The following ITPR1 variants were observed in gnomAD, a reference collection of about 807,000 sequenced individuals.
The protein encoded by ITPR1 is inositol 1,4,5-trisphosphate receptor type 1.
Under a neutral mutation model 318.4 loss-of-function variants are expected in ITPR1, and 96 were observed. That is an observed-to-expected ratio of 0.30 (90% confidence interval 0.26 to 0.36). The LOEUF (loss-of-function observed/expected upper bound fraction) is 0.36. Ranked by LOEUF, ITPR1 falls within the 10% of genes least tolerant of loss-of-function variation. ITPR1 has a pLI of 1.00. For missense variants in ITPR1, 2,440 were observed against 3,460.2 expected, an observed-to-expected ratio of 0.71 and a Z score of 7.40; for synonymous variants, 1,312 against 1,289.9, an observed-to-expected ratio of 1.02 and a Z score of -0.37.
intron 23 of ITPR1, 138 bp downstream of exon 23, chr3:4,675,386 A>G: frequency 1.6e-6 from 1 of 631,970 alleles, no homozygotes; most frequent in East Asian, 3.1e-5. Flanking sequence ...ACATTTTCAA[A>G]TACTGTGTAA....
At chr3:4,521,188 A>T in intron 4 of ITPR1, 94 bp downstream of exon 4, 1 of 751,518 alleles carries the variant, frequency 1.3e-6, no homozygotes, top group Non-Finnish European at 2.3e-6. Flanking sequence ...TAAGCAAAAT[A>T]GGCTTATTTA....
At position 4,720,418 on chromosome 3, in the gene ITPR1, A is replaced by C. The variant is rs560435923; in HGVS notation, c.5136+3019A>C. The stretch of plus-strand genomic sequence containing the variant: ...ATGTGAATTGCTTTCCTATGCTTTA[A>C]AGTGCTGCACTAATCAAACGGATAG... On this transcript the variant is annotated intron_variant, in intron 40 of 61. Coordinates refer to ENST00000649015, the MANE Select transcript of ITPR1 (RefSeq NM_001378452.1). 2.0e-5 allele frequency among the ~76,000 whole-genome samples: 3 copies of C among 152,298 alleles called. No homozygotes were observed. The South Asian group carries it at 6.2e-4, about 32-fold the overall frequency.
intron 4 of ITPR1, among the ~76,000 whole-genome samples, chr3:4,612,315 G>A (rs1041473047): frequency 6.6e-6 from 1 of 151,774 alleles, no homozygotes; most frequent in Non-Finnish European, 1.5e-5. Context: ...GCCTGCCTCG[G>A]CCTCCTAAAG....
In ITPR1 at chr3:4,706,351, G is replaced by C; in HGVS notation, c.4842G>C (p.Gln1614His). 1 of 1,603,624 alleles carries C rather than the reference G, an allele frequency of 6.2e-7. No individual in the cohort carries two copies. Among genetic ancestry groups the C allele is most frequent in the Non-Finnish European group, 8.5e-7 (1 of 1,172,784 alleles). ...ACCGGAATATCATTGAGAGATTGCA[G>C]GTAATGCCTGGTGTTGAGAGAAGTG... ...RDYRNIIERL[Q>H]DIVSALEDRL... Residue 1614 changes from glutamine (Q) to histidine (H), a missense_variant and splice_region_variant, in exon 37 of 62, where the codon CAG (glutamine) becomes CAC (histidine). This residue lies in a region of ITPR1 where 166 missense variants were observed against 246.5 expected (regional missense o/e 0.67). Coordinates refer to ENST00000649015, the MANE Select transcript of ITPR1 (RefSeq NM_001378452.1).
At chr3:4,742,754 C>T (rs889076651) in intron 44 of ITPR1, among the ~76,000 whole-genome samples, 7 of 152,144 alleles carry the variant, frequency 4.6e-5, no homozygotes, top group South Asian at 2.1e-4. Flanking sequence ...CCACCATGCT[C>T]GGTTCTAATT....
At chr3:4,684,480 C>T (rs866716335) in intron 29 of ITPR1, 134 bp downstream of exon 29, 2 of 665,624 alleles carry the variant, frequency 3.0e-6, no homozygotes, top group East Asian at 2.7e-5. Context: ...GAAAGTAGAG[C>T]TCAGAGGTTA....
At chr3:4,731,954 C>A (rs2042955249) in intron 42 of ITPR1, among the ~76,000 whole-genome samples, 1 of 152,250 alleles carries the variant, frequency 6.6e-6, no homozygotes, top group Non-Finnish European at 1.5e-5. Flanking sequence ...TAGATTTCAA[C>A]ACCTTTCCTC....
At chr3:4,550,988 G>C (rs1023988903) in intron 4 of ITPR1, among the ~76,000 whole-genome samples, 2 of 152,142 alleles carry the variant, frequency 1.3e-5, no homozygotes. Flanking sequence ...ACTGAGAATA[G>C]AATAGTGCTG....
At chr3:4,528,728 C>G (rs1172170628) in intron 4 of ITPR1, among the ~76,000 whole-genome samples, 3 of 152,164 alleles carry the variant, frequency 2.0e-5, no homozygotes, top group African/African-American at 7.2e-5. Flanking sequence ...AGGTGCTTGT[C>G]AAGTATATGC....
At chr3:4,654,824 T>C (rs1205715829) in intron 12 of ITPR1, among the ~76,000 whole-genome samples, 8 of 152,206 alleles carry the variant, frequency 5.3e-5, no homozygotes, top group Admixed American at 3.3e-4. Context: ...TGGTTATCCT[T>C]CTAGTTATGT....
intron 53 of ITPR1, 190 bp from the exon 54 acceptor site, chr3:4,800,235 G>T (rs551488273): frequency 5.4e-6 from 3 of 551,570 alleles, no homozygotes; most frequent in Admixed American, 7.8e-5. Context: ...GAAGGAGCAT[G>T]TGTGGAGGCT....
Position 4,537,998 on chromosome 3 carries a change from C to T in ITPR1, c.163+16904C>T, listed in dbSNP as rs183756986. ...ATTTTGGCTTTATTAATTCTTTCTA[C>T]GATAGGTTGGTTTTGAAGTTCATTA... On this transcript the variant is annotated intron_variant, in intron 4 of 61. Coordinates refer to ENST00000649015, the MANE Select transcript of ITPR1 (RefSeq NM_001378452.1). Among the ~76,000 whole-genome samples the T allele has an allele frequency of 4.9e-4, 75 of 152,090 alleles. 1 individual carries two copies. The highest frequency in any genetic ancestry group is 6.6e-4 in the Non-Finnish European group (45 of 67,984).
intron 44 of ITPR1, among the ~76,000 whole-genome samples, chr3:4,748,990 G>C (rs538787438): frequency 6.6e-6 from 1 of 152,288 alleles, no homozygotes; most frequent in African/African-American, 2.4e-5. Flanking sequence ...AGGCTAGTGG[G>C]GTTTGGCTGA....
intron 54 of ITPR1, among the ~76,000 whole-genome samples, chr3:4,801,864 G>A (rs569972832): frequency 3.9e-4 from 60 of 152,326 alleles, no homozygotes; most frequent in Admixed American, 1.7e-3. Context: ...CTTTGGTTTC[G>A]TGGGCCCCAT....
chr3:4,630,720 G>T (rs577214164), intron 5 of ITPR1, among the ~76,000 whole-genome samples: 1 of 151,946 alleles, frequency 6.6e-6, no homozygotes, highest in South Asian at 2.1e-4. Context: ...CAAGTAGATG[G>T]AATTACAGGC....
chr3:4,788,534 C>T (rs1188059764), intron 52 of ITPR1, among the ~76,000 whole-genome samples: 1 of 152,222 alleles, frequency 6.6e-6, no homozygotes, highest in African/African-American at 2.4e-5. Flanking sequence ...CACACCTGCT[C>T]CAGAGACTCT....
rs1292610859 is a variant in ITPR1, at chr3:4,711,000, T to TC, written c.4991+528dup. 2.0e-5 allele frequency among the ~76,000 whole-genome samples: 3 copies of TC among 152,008 alleles called. No homozygotes were observed. The highest frequency in any genetic ancestry group is 4.4e-5 in the Non-Finnish European group (3 of 67,990). ...GCCGGGGCTGGTGAATCACCTGAGGTCAGGGGTTCAAGACCAGCCTGGCCA... is the reference window on the plus strand; with the variant it reads ...GCCGGGGCTGGTGAATCACCTGAGGTCCAGGGGTTCAAGACCAGCCTGGCCA... On this transcript the variant is annotated intron_variant, in intron 38 of 61. Coordinates refer to ENST00000649015, the MANE Select transcript of ITPR1 (RefSeq NM_001378452.1). This position sits in a 1 kb window ranked among gnomAD's most constrained non-coding sequence, Gnocchi z 4.2.
intron 50 of ITPR1, among the ~76,000 whole-genome samples, chr3:4,783,078 C>CT (rs2046937246): frequency 6.6e-6 from 1 of 152,224 alleles, no homozygotes; most frequent in South Asian, 2.1e-4. Flanking sequence ...ATGAGCCTCT[C>CT]TTAACAATCC....
At chr3:4,805,016 T>G (rs1234334717) in intron 54 of ITPR1, among the ~76,000 whole-genome samples, 1 of 152,182 alleles carries the variant, frequency 6.6e-6, no homozygotes, top group Non-Finnish European at 1.5e-5. Context: ...AGAGATGGAC[T>G]TCCAGGCATT....
Sources: gnomAD v4.1 joint callset for allele counts (sites outside exome capture counted in the v4.1 genomes callset) on GRCh38, gnomAD v4.1.1 for gene constraint, gnomAD v4.1.1 regional missense constraint, Gnocchi (gnomAD v3.1) non-coding constraint, MANE v1.5 for transcripts, NCBI Gene and HGNC (gene_info 2026-07-23, HGNC 2026-07-21) for gene names.